The following HUWE1 variants were observed in gnomAD, a reference collection of about 807,000 sequenced individuals.
HUWE1 encodes the protein E3 ubiquitin-protein ligase HUWE1.
A neutral mutation model predicts 299.4 loss-of-function variants in HUWE1; 18 were observed. The observed-to-expected ratio is 0.06, with a 90% CI of 0.04 to 0.09. The LOEUF (loss-of-function observed/expected upper bound fraction) is 0.09, where lower values mean the gene tolerates loss of function less well. Among genes scored for constraint, HUWE1 ranks in the 10% least tolerant of loss-of-function variants. HUWE1 has a pLI of 1.00. For missense variants in HUWE1, 1,832 were observed against 3,462.3 expected, an observed-to-expected ratio of 0.53 and a Z score of 11.82; for synonymous variants, 1,317 against 1,286.1, an observed-to-expected ratio of 1.02 and a Z score of -0.51.
chrX:53,579,030 G>C (rs1201212717), intron 43 of HUWE1, among the ~76,000 whole-genome samples: 3 of 45,076 alleles, frequency 6.7e-5, no homozygotes, highest in East Asian at 8.2e-4. Flanking sequence ...GGAGGGAGGC[G>C]GGGGGGGGGG....
chrX:53,534,347 G>A, intron 82 of HUWE1, 150 bp from the exon 83 acceptor site: 3 of 685,696 alleles, frequency 4.4e-6, no homozygotes, highest in Non-Finnish European at 2.2e-6. Flanking sequence ...TTCATAAGAC[G>A]GCCAAGAGAA....
intron 19 of HUWE1, among the ~76,000 whole-genome samples, chrX:53,620,550 T>C (rs192713777): frequency 1.8e-5 from 2 of 111,936 alleles, no homozygotes; most frequent in Non-Finnish European, 3.8e-5. Context: ...CTGGCCCATC[T>C]GTTGTACTGT....
chrX:53,592,110 T>C (rs1017539435), intron 33 of HUWE1, among the ~76,000 whole-genome samples: 3 of 112,228 alleles, frequency 2.7e-5, no homozygotes, highest in Non-Finnish European at 5.6e-5. Flanking sequence ...TCTTTACAGG[T>C]TAACCAGAAA....
In HUWE1 at chrX:53,548,019, T is replaced by C; in HGVS notation, c.10290A>G (p.Pro3430=). 4 of 1,211,123 alleles carry C rather than the reference T, an allele frequency of 3.3e-6. No individual in the cohort carries two copies. The highest frequency in any genetic ancestry group is 4.5e-6 in the Non-Finnish European group (4 of 895,222). The change falls in exon 68 of 84, where the codon CCA becomes CCG. Residue 3430 remains proline (P), a synonymous_variant. Transcript: ENST00000262854. ...ACAACATGTTCATGAGCTGCCCCAG[T>C]GGAGAGGCCTCGAGGCTGTATGGAG... ...ETSPYSLEAS[P]LGQLMNMLSH... is the part of the protein sequence containing the mutation.
chrX:53,537,436 G>T, intron 78 of HUWE1, 120 bp downstream of exon 78: 1 of 746,442 alleles, frequency 1.3e-6, no homozygotes, highest in Non-Finnish European at 2.0e-6. Flanking sequence ...AGATTCCTAT[G>T]GGGAATTCCT....
chrX:53,657,947 G>A (rs1474098729), intron 3 of HUWE1, among the ~76,000 whole-genome samples: 1 of 105,264 alleles, frequency 9.5e-6, no homozygotes, highest in Non-Finnish European at 1.9e-5. Context: ...TACTCGGGAG[G>A]CTGAGGCAGG....
rs782149937 is a variant in HUWE1 at position 53,549,016 on chromosome X, G to C, written c.9978C>G (p.Pro3326=). The change falls in exon 67 of 84, where the codon CCC becomes CCG. Residue 3326 remains proline, a synonymous_variant. Transcript: ENST00000262854. ...ASGGSTVHIH[P]QAAPVVCRHV... ...GTCTGCAGACAACAGGAGCAGCTTG[G>C]GGATGGATGTGGACGGTGGAGCCAC... The C allele has an allele frequency of 4.1e-6, 5 of 1,207,584 alleles. No individual in the cohort carries two copies. The East Asian group carries it at 1.5e-4, about 36-fold the overall frequency.
At chrX:53,542,837 T>G (rs1457961895) in intron 73 of HUWE1, 6 of 307,476 alleles carry the variant, frequency 2.0e-5, no homozygotes, top group South Asian at 7.9e-5. Flanking sequence ...ACTTCAAGTC[T>G]TCTTCTGTTG....
At chrX:53,664,698 C>T (rs1362186586) in intron 3 of HUWE1, among the ~76,000 whole-genome samples, 2 of 111,942 alleles carry the variant, frequency 1.8e-5, no homozygotes, top group Non-Finnish European at 3.8e-5. Context: ...TGCCTTGCAA[C>T]GATTTCCTTT....
chrX:53,547,304 G>A (rs1028738301), intron 68 of HUWE1, among the ~76,000 whole-genome samples: 8 of 112,070 alleles, frequency 7.1e-5, no homozygotes, highest in African/African-American at 2.6e-4. Flanking sequence ...TTTCCCATGA[G>A]AACTGGCTCC....
At position 53,575,220 on chromosome X, in the gene HUWE1, C is replaced by T; in HGVS notation, c.6032G>A (p.Ser2011Asn). 8.4e-7 allele frequency: 1 copy of T among 1,196,617 alleles called. No homozygotes were observed. The highest frequency in any genetic ancestry group is 1.1e-6 in the Non-Finnish European group (1 of 882,810). The change falls in exon 46 of 84, where the codon AGT (serine) becomes AAT (asparagine). Residue 2011 changes from serine (S) to asparagine (N), a missense_variant and splice_region_variant. By Grantham distance (46) the Ser-to-Asn change is conservative (BLOSUM62 1). This residue lies in a region of HUWE1 where 157 missense variants were observed against 252.3 expected (regional missense o/e 0.62). Coordinates refer to ENST00000262854, the MANE Select transcript of HUWE1 (RefSeq NM_031407.7). ...GGCACCATCTGCAGCAAAGACCTGA[C>T]TCTGAAGAAGAAGAAAACTCCTGAG... is the stretch of plus-strand genomic sequence containing the variant. ...FDTQSGFSIN[S>N]QVFAADGAST...
chrX:53,558,836 G>A, intron 58 of HUWE1, 27 bp from the exon 59 acceptor site: 1 of 1,209,669 alleles, frequency 8.3e-7, no homozygotes, highest in Non-Finnish European at 1.1e-6. Flanking sequence ...AAAATCAAAG[G>A]CTGCTCTGGT....
chrX:53,616,872 C>A, intron 21 of HUWE1, 98 bp downstream of exon 21: 1 of 684,418 alleles, frequency 1.5e-6, no homozygotes. Context: ...TTAAACTTAG[C>A]ACACCTAACC....
intron 29 of HUWE1, among the ~76,000 whole-genome samples, chrX:53,596,177 A>C (rs782609680): frequency 8.9e-6 from 1 of 112,127 alleles, no homozygotes; most frequent in East Asian, 2.8e-4. Context: ...AAGAAGGGCT[A>C]GGTCTGAATC....
chrX:53,650,012 A>G (rs2149310228), intron 4 of HUWE1, among the ~76,000 whole-genome samples: 1 of 112,030 alleles, frequency 8.9e-6, no homozygotes, highest in South Asian at 3.7e-4. Context: ...TGCCAAAAGC[A>G]CAACATGGCA....
intron 3 of HUWE1, among the ~76,000 whole-genome samples, chrX:53,662,744 T>C (rs1402639023): frequency 1.8e-5 from 2 of 111,950 alleles, no homozygotes; most frequent in Non-Finnish European, 3.8e-5. Context: ...TGGAGATGAC[T>C]GCTTACAAAG....
chrX:53,550,968 C>T lies in HUWE1; in HGVS notation c.9318G>A (p.Gln3106=). 1.7e-6 allele frequency: 2 copies of T among 1,211,723 alleles called. No individual in the cohort carries two copies. Residue 3106 remains glutamine, a synonymous_variant, in exon 65 of 84, where the codon CAG becomes CAA. Coordinates refer to ENST00000262854, the MANE Select transcript of HUWE1 (RefSeq NM_031407.7). ...GCCCAAACAGACGCTCATGCATGAG[C>T]TGTCGCTGCCGGGCTTCTTGCTCTC... ...LRREQEARQR[Q]LMHERLFGHS...
At chrX:53,557,541 G>C (rs1402630451) in intron 59 of HUWE1, 114 bp from the exon 60 acceptor site, 2 of 607,952 alleles carry the variant, frequency 3.3e-6, no homozygotes, top group Non-Finnish European at 5.6e-6. Flanking sequence ...TGATCTAATG[G>C]AGAATGCTTT....
Position 53,552,705 on chromosome X carries a change from G to A in HUWE1, c.8683C>T (p.Pro2895Ser). ...AGSSTPGDAP[P>S]AVAEVQGRSD... The stretch of plus-strand genomic sequence containing the variant: ...CTGCCTTGCACTTCCGCCACAGCTG[G>A]TGGGGCATCCCCAGGAGTGGAGCTG... Residue 2895 changes from proline (P) to serine (S), a missense_variant, in exon 62 of 84, where the codon CCA becomes TCA. Around this residue, in one of 15 missense-constraint regions of HUWE1, gnomAD observed 143 missense variants for 148.1 expected, o/e 0.97. Transcript: ENST00000262854. 2.5e-6 allele frequency: 3 copies of A among 1,211,992 alleles called. No homozygotes were observed. Among genetic ancestry groups the A allele is most frequent in the Non-Finnish European group, 3.3e-6 (3 of 895,524 alleles).
Sources: allele counts gnomAD v4.1 joint callset (sites outside exome capture counted in the v4.1 genomes callset), GRCh38; gene constraint gnomAD v4.1.1; regional missense constraint gnomAD v4.1.1; transcripts MANE v1.5; gene names NCBI Gene and HGNC (gene_info 2026-07-23, HGNC 2026-07-21).